The following ITPRID1 variants were observed in gnomAD, a reference collection of about 807,000 sequenced individuals.
ITPRID1 encodes ITPR interacting domain containing 1.
Under a neutral mutation model 95.4 loss-of-function variants are expected in ITPRID1, and 96 were observed. The observed-to-expected ratio is 1.01, with a 90% confidence interval of 0.85 to 1.19. The LOEUF is 1.19. Ranked by LOEUF, ITPRID1 falls within the 50% of genes most tolerant of loss-of-function variation. ITPRID1 has a pLI of 0.00. For synonymous variants in ITPRID1, 510 were observed against 453.6 expected, an observed-to-expected ratio of 1.12 and a Z score of -1.58; for missense variants, 1,339 against 1,252.9, an observed-to-expected ratio of 1.07 and a Z score of -1.04.
chr7:31,547,173 C>T (rs558465993), intron 1 of ITPRID1, among the ~76,000 whole-genome samples: 1 of 152,172 alleles, frequency 6.6e-6, no homozygotes, highest in Non-Finnish European at 1.5e-5. Flanking sequence ...CAGATGAAAG[C>T]ATTTTGCTGT....
chr7:31,531,428 T>C (rs1783592795), intron 1 of ITPRID1, among the ~76,000 whole-genome samples: 3 of 152,342 alleles, frequency 2.0e-5, no homozygotes, highest in Non-Finnish European at 4.4e-5. Flanking sequence ...GGAAGTGTTA[T>C]GATTTTCGTT....
At chr7:31,623,073 A>C (rs1210883963) in intron 10 of ITPRID1, among the ~76,000 whole-genome samples, 1 of 152,240 alleles carries the variant, frequency 6.6e-6, no homozygotes, top group East Asian at 1.9e-4. Flanking sequence ...GAATCTCTGA[A>C]TAGGCCAATA....
In ITPRID1 at chr7:31,655,783, G is replaced by T; in HGVS notation, c.*2954G>T. 1 of 985,598 alleles carries T rather than the reference G, an allele frequency of 1.0e-6. No individual in the cohort carries two copies. Among genetic ancestry groups the T allele is most frequent in the Non-Finnish European group, 1.2e-6 (1 of 830,002 alleles). 61.1% of individuals were successfully genotyped at this position (985,598 alleles called of 1,614,324 possible). ...CCTAAGCTTTTTACTCTTTACCCAG[G>T]TTGGGCTTTTGACCTCCCCTTCTCC... On this transcript the variant is annotated 3_prime_UTR_variant, in exon 15 of 15. Transcript: ENST00000615280.
chr7:31,544,559 AC>A (rs918869887), intron 1 of ITPRID1, among the ~76,000 whole-genome samples: 1 of 151,712 alleles, frequency 6.6e-6, no homozygotes, highest in East Asian at 1.9e-4. Context: ...CTTTTTTTAT[AC>A]CCCCCTCAAA....
At position 31,655,890 on chromosome 7, in the gene ITPRID1, T is replaced by G; in HGVS notation, c.*3061T>G. 1 of 985,530 alleles carries G rather than the reference T, an allele frequency of 1.0e-6. No individual in the cohort carries two copies. The highest frequency in any genetic ancestry group is 1.2e-6 in the Non-Finnish European group (1 of 829,994). 61.0% of individuals were successfully genotyped at this position (985,530 alleles called of 1,614,324 possible). A position where few individuals can be genotyped will look rare whatever the true frequency, so the allele number is the denominator to read the frequency against. On this transcript the variant is annotated 3_prime_UTR_variant, in exon 15 of 15. Transcript: ENST00000615280. ...CGGAATGAAGAGGAACACCTGGCTC[T>G]AGGATGTCCCTCACCTGGCAGCCAT...
chr7:31,597,448 C>A (rs1008734922), intron 10 of ITPRID1, among the ~76,000 whole-genome samples: 1 of 151,490 alleles, frequency 6.6e-6, no homozygotes, highest in Non-Finnish European at 1.5e-5. Flanking sequence ...AGAAATCAGT[C>A]TCCATGCATC....
chr7:31,651,829 A>C (rs1205721848), intron 13 of ITPRID1, 110 bp from the exon 14 acceptor site: 4 of 714,618 alleles, frequency 5.6e-6, no homozygotes, highest in South Asian at 4.0e-5. Flanking sequence ...TAAAGATGAC[A>C]TTCTCTTTTA....
At chr7:31,605,539 A>G (rs898003889) in intron 10 of ITPRID1, among the ~76,000 whole-genome samples, 2 of 152,222 alleles carry the variant, frequency 1.3e-5, no homozygotes, top group Admixed American at 6.5e-5. Context: ...TTTCAGGGAC[A>G]TGTTGGAAGG....
chr7:31,599,764 C>T (rs200421387), intron 10 of ITPRID1, among the ~76,000 whole-genome samples: 6 of 151,060 alleles, frequency 4.0e-5, no homozygotes, highest in East Asian at 3.9e-4. Flanking sequence ...TGCAGTGGCG[C>T]GATCTCAGCT....
chr7:31,534,140 A>G (rs951235261), intron 1 of ITPRID1, among the ~76,000 whole-genome samples: 5 of 152,196 alleles, frequency 3.3e-5, no homozygotes, highest in African/African-American at 9.6e-5. Flanking sequence ...TTCTTAAACC[A>G]TTCCCTGCCA....
At chr7:31,636,977 C>T (rs1388568326) in intron 10 of ITPRID1, among the ~76,000 whole-genome samples, 2 of 147,180 alleles carry the variant, frequency 1.4e-5, no homozygotes, top group South Asian at 2.1e-4. Context: ...TGAGTGAGAA[C>T]ATGCGGTGTT....
chr7:31,651,889 C>A, intron 13 of ITPRID1, 50 bp from the exon 14 acceptor site: 1 of 1,317,052 alleles, frequency 7.6e-7, no homozygotes, highest in Non-Finnish European at 1.1e-6. Context: ...TGGAAGATTG[C>A]ACCTGGGAAG....
chr7:31,526,633 T>G (rs1225828027), intron 1 of ITPRID1, among the ~76,000 whole-genome samples: 1 of 152,192 alleles, frequency 6.6e-6, no homozygotes, highest in Non-Finnish European at 1.5e-5. Context: ...CTCCAATGCC[T>G]GCTCTATAGA....
intron 10 of ITPRID1, among the ~76,000 whole-genome samples, chr7:31,585,760 G>A (rs1423244818): frequency 6.6e-6 from 1 of 152,078 alleles, no homozygotes; most frequent in Non-Finnish European, 1.5e-5. Flanking sequence ...GTAAGATTTA[G>A]CAGTTCAAAA....
intron 1 of ITPRID1, among the ~76,000 whole-genome samples, chr7:31,515,163 T>C (rs755210191): frequency 6.6e-6 from 1 of 152,114 alleles, no homozygotes; most frequent in East Asian, 1.9e-4. Flanking sequence ...GGAAAAGTTT[T>C]GCTTTTTAAA....
At chr7:31,619,936 C>A (rs557954434) in intron 10 of ITPRID1, among the ~76,000 whole-genome samples, 1 of 152,166 alleles carries the variant, frequency 6.6e-6, no homozygotes, top group Admixed American at 6.5e-5. Flanking sequence ...GCTTAAAAAA[C>A]GGCGCACCAG....
At chr7:31,632,965 C>A (rs549097212) in intron 10 of ITPRID1, among the ~76,000 whole-genome samples, 45 of 152,168 alleles carry the variant, frequency 3.0e-4, no homozygotes, top group African/African-American at 1.1e-3. Flanking sequence ...TGGCTCACTG[C>A]AACCTCCGAC....
Position 31,646,973 on chromosome 7 carries a change from T to C in ITPRID1, c.2583+3020T>C, listed in dbSNP as rs544175486. On this transcript the variant is annotated intron_variant, in intron 12 of 14. Coordinates refer to ENST00000615280, the MANE Select transcript of ITPRID1 (RefSeq NM_001257967.3). ...TTTACCAGATGACAATGAATTTCCC[T>C]TTATTAACATCCAAAGAAATAGAAA... Among the ~76,000 whole-genome samples, 7 of 152,366 alleles carry C rather than the reference T, an allele frequency of 4.6e-5. No homozygotes were observed. The South Asian group carries it at 1.4e-3, about 32-fold the overall frequency.
intron 10 of ITPRID1, among the ~76,000 whole-genome samples, chr7:31,617,716 A>AC (rs1283959108): frequency 1.3e-5 from 2 of 152,128 alleles, no homozygotes; most frequent in Non-Finnish European, 2.9e-5. Flanking sequence ...TCCGACCCCC[A>AC]CAGTACTTTA....
Sources: gnomAD v4.1 joint callset for allele counts (sites outside exome capture counted in the v4.1 genomes callset) on GRCh38, gnomAD v4.1.1 for gene constraint, MANE v1.5 for transcripts, NCBI Gene and HGNC (gene_info 2026-07-23, HGNC 2026-07-21) for gene names.